Variants in RIMBP2 observed in about 807,000 individuals in gnomAD.
RIMBP2 encodes RIMS-binding protein 2.
Under a neutral mutation model 118.6 loss-of-function variants are expected in RIMBP2, and 48 were observed. The observed-to-expected ratio is 0.40, with a 90% CI of 0.32 to 0.51. The LOEUF (loss-of-function observed/expected upper bound fraction) is 0.51. Among genes scored for constraint, RIMBP2 ranks in the 20% least tolerant of loss-of-function variants. RIMBP2 has a pLI of 0.41. For missense variants in RIMBP2, 1,551 were observed against 1,768.3 expected, an observed-to-expected ratio of 0.88 and a Z score of 2.20; for synonymous variants, 762 against 742.9, an observed-to-expected ratio of 1.03 and a Z score of -0.42.
Position 130,683,569 on chromosome 12 carries a change from C to G in RIMBP2, c.-352+32653G>C, listed in dbSNP as rs1204046323. 6.6e-6 allele frequency among the ~76,000 whole-genome samples: 1 copy of G among 152,196 alleles called. No individual in the cohort carries two copies. The highest frequency in any genetic ancestry group is 1.5e-5 in the Non-Finnish European group (1 of 68,032). ...TGCATTCCCAGATGGTGAAGGCATT[C>G]TAAGTCACTGGATGAGATAGGAGGT... On this transcript the variant is annotated intron_variant, in intron 1 of 22. Coordinates refer to ENST00000690449, the MANE Select transcript of RIMBP2 (RefSeq NM_001393629.1). This position sits in a 1 kb window ranked among gnomAD's most constrained non-coding sequence, Gnocchi z 4.4.
At chr12:130,714,135 AG>A (rs1023423264) in intron 1 of RIMBP2, among the ~76,000 whole-genome samples, 3 of 152,220 alleles carry the variant, frequency 2.0e-5, no homozygotes, top group Admixed American at 6.5e-5. Flanking sequence ...CAAACGTGGC[AG>A]GGGGTGGATT....
Position 130,623,876 on chromosome 12 carries a change from T to C in RIMBP2, c.-217+4446A>G, listed in dbSNP as rs957178371. ...GTGTACACCACAGTCTCCCAGAGGT[T>C]CCACAGCAGGATTGAGTCCCCATCA... On this transcript the variant is annotated intron_variant, in intron 2 of 22. Coordinates refer to ENST00000690449, the MANE Select transcript of RIMBP2 (RefSeq NM_001393629.1). The surrounding 1 kb of genome is among the most constrained non-coding windows in gnomAD (Gnocchi z 4.1). 1.3e-4 allele frequency among the ~76,000 whole-genome samples: 20 copies of C among 152,156 alleles called. No homozygotes were observed. The highest frequency in any genetic ancestry group is 6.5e-4 in the Admixed American group (10 of 15,284).
chr12:130,617,291 C>T lies in RIMBP2; in HGVS notation c.-217+11031G>A, dbSNP rs768809989. Among the ~76,000 whole-genome samples the T allele has an allele frequency of 4.3e-4, 66 of 152,292 alleles. No individual in the cohort carries two copies. The highest frequency in any genetic ancestry group is 2.5e-3 in the Admixed American group (38 of 15,310). On this transcript the variant is annotated intron_variant, in intron 2 of 22. Coordinates refer to ENST00000690449, the MANE Select transcript of RIMBP2 (RefSeq NM_001393629.1). This position sits in a 1 kb window ranked among gnomAD's most constrained non-coding sequence, Gnocchi z 4.6. ...TGCAGCTGGGAGCTGCTGGACCAGG[C>T]TTAGAACCCAGGTCCATCCTCATGC...
chr12:130,645,930 C>G (rs1341918956), intron 1 of RIMBP2, among the ~76,000 whole-genome samples: 2 of 152,266 alleles, frequency 1.3e-5, no homozygotes, highest in Non-Finnish European at 2.9e-5. Context: ...TACTAAGTCA[C>G]TGAATAGCTT....
intron 1 of RIMBP2, among the ~76,000 whole-genome samples, chr12:130,704,937 C>T (rs2463418): frequency 0.71 from 108,390 of 152,018 alleles, 39,605 homozygotes; most frequent in Middle Eastern, 0.85. Context: ...CTCCTGTGCT[C>T]GTTTCCTGGG....
At chr12:130,616,033 T>A (rs2060912091) in intron 2 of RIMBP2, among the ~76,000 whole-genome samples, 1 of 152,122 alleles carries the variant, frequency 6.6e-6, no homozygotes. Context: ...GGCAGGAGAG[T>A]GACGCAGTCG....
intron 3 of RIMBP2, among the ~76,000 whole-genome samples, chr12:130,512,075 G>A (rs1046301194): frequency 9.2e-5 from 14 of 152,216 alleles, no homozygotes; most frequent in African/African-American, 3.1e-4. Context: ...ATAGAGGACT[G>A]ATGCCACTAA....
At position 130,438,531 on chromosome 12, in the gene RIMBP2, A is replaced by G. The variant is rs1164640911; in HGVS notation, c.1505-15T>C. The G allele has an allele frequency of 6.3e-7, 1 of 1,582,220 alleles. No homozygotes were observed. Among genetic ancestry groups the G allele is most frequent in the Non-Finnish European group, 8.6e-7 (1 of 1,163,650 alleles). ...TGCTGGGGGTCCTGGGAGGGGACAG[A>G]AGGGAACGGAGGCGTTCAGGGACCA... On this transcript the variant is annotated splice_polypyrimidine_tract_variant and intron_variant, in intron 11 of 22. Coordinates refer to ENST00000690449, the MANE Select transcript of RIMBP2 (RefSeq NM_001393629.1).
intron 4 of RIMBP2, among the ~76,000 whole-genome samples, chr12:130,482,660 C>CGCAAAACAAA (rs1352789472): frequency 6.6e-6 from 1 of 152,258 alleles, no homozygotes; most frequent in African/African-American, 2.4e-5. Context: ...GCTACAGCAA[C>CGCAAAACAAA]GCAAAACAAA....
At chr12:130,630,544 G>T (rs1402324860) in intron 1 of RIMBP2, among the ~76,000 whole-genome samples, 1 of 152,068 alleles carries the variant, frequency 6.6e-6, no homozygotes, top group Admixed American at 6.5e-5. Context: ...AAAATTGTCA[G>T]AAAAACATAA....
chr12:130,439,363 A>ATGTGTGTATGTGGG (rs2077839924), intron 11 of RIMBP2, among the ~76,000 whole-genome samples: 2 of 143,824 alleles, frequency 1.4e-5, no homozygotes, highest in Non-Finnish European at 3.0e-5. Context: ...GGGCATGCGT[A>ATGTGTGTATGTGGG]TGTGTGTATG....
At chr12:130,405,038 T>A (rs927622084) in intron 21 of RIMBP2, among the ~76,000 whole-genome samples, 10 of 152,214 alleles carry the variant, frequency 6.6e-5, no homozygotes, top group Admixed American at 1.3e-4. Context: ...GGTAGATACT[T>A]GAGATTTACA....
At chr12:130,646,023 G>C (rs1246647335) in intron 1 of RIMBP2, among the ~76,000 whole-genome samples, 1 of 151,748 alleles carries the variant, frequency 6.6e-6, no homozygotes, top group Non-Finnish European at 1.5e-5. Context: ...ATTGAAATCT[G>C]TGGTGCGGCA....
At chr12:130,401,213 T>G (rs1299823370) in intron 21 of RIMBP2, among the ~76,000 whole-genome samples, 1 of 152,022 alleles carries the variant, frequency 6.6e-6, no homozygotes, top group African/African-American at 2.4e-5. Context: ...CCTCCCGGGT[T>G]CAAGCAATTC....
chr12:130,571,396 C>T (rs974789226), intron 2 of RIMBP2, among the ~76,000 whole-genome samples: 4 of 149,932 alleles, frequency 2.7e-5, no homozygotes, highest in Non-Finnish European at 4.4e-5. Flanking sequence ...GCCGTGTGTG[C>T]TACTGCTACC....
At chr12:130,682,975 C>T (rs570890845) in intron 1 of RIMBP2, among the ~76,000 whole-genome samples, 94 of 152,250 alleles carry the variant, frequency 6.2e-4, no homozygotes, top group Non-Finnish European at 1.0e-3. Context: ...AGCTGATGGG[C>T]TTATTTTGTT....
chr12:130,515,265 G>A (rs1475992230), intron 3 of RIMBP2, among the ~76,000 whole-genome samples: 1 of 152,088 alleles, frequency 6.6e-6, no homozygotes, highest in Non-Finnish European at 1.5e-5. Context: ...GTATTTCAGT[G>A]GCATTAAGGA....
chr12:130,465,815 A>G (rs11060905), intron 6 of RIMBP2: 3,176 of 152,396 alleles, frequency 0.021, 94 homozygotes, highest in East Asian at 0.16. Context: ...GGAGCTGCCA[A>G]CACTGACTTA....
At chr12:130,531,472 C>T (rs2053367082) in intron 2 of RIMBP2, among the ~76,000 whole-genome samples, 1 of 152,190 alleles carries the variant, frequency 6.6e-6, no homozygotes, top group Admixed American at 6.5e-5. Context: ...AACATTTTAT[C>T]TAGGACGCAC....
Sources: gnomAD v4.1 joint callset for allele counts (sites outside exome capture counted in the v4.1 genomes callset) on GRCh38, gnomAD v4.1.1 for gene constraint, Gnocchi (gnomAD v3.1) non-coding constraint, MANE v1.5 for transcripts, NCBI Gene and HGNC (gene_info 2026-07-23, HGNC 2026-07-21) for gene names.